The following KLHL1 variants were observed in gnomAD, a reference collection of about 807,000 sequenced individuals.
KLHL1 encodes kelch-like protein 1.
Under a neutral mutation model 77.7 loss-of-function variants are expected in KLHL1, and 47 were observed. That is an observed-to-expected ratio of 0.60 (90% CI 0.48 to 0.77). The LOEUF (loss-of-function observed/expected upper bound fraction) is 0.77, where lower values mean the gene tolerates loss of function less well. KLHL1 is among the 30% of genes least tolerant of loss of function. The pLI is 0.00. For missense variants in KLHL1, 925 were observed against 910.8 expected (o/e 1.02, Z -0.20); for synonymous variants, 360 against 325.2 (o/e 1.11, Z -1.15).
At chr13:69,727,319 G>A (rs1465505580) in intron 8 of KLHL1, among the ~76,000 whole-genome samples, 2 of 152,132 alleles carry the variant, frequency 1.3e-5, no homozygotes, top group African/African-American at 4.8e-5. Context: ...ACTTGGGTTT[G>A]TTTATCAATC....
intron 1 of KLHL1, among the ~76,000 whole-genome samples, chr13:70,032,187 A>G (rs1445366485): frequency 6.6e-5 from 10 of 152,318 alleles, no homozygotes; most frequent in South Asian, 2.1e-4. Context: ...AATAGATGCT[A>G]TGACTATGGA....
At chr13:69,842,229 A>G (rs1267990593) in intron 5 of KLHL1, among the ~76,000 whole-genome samples, 1 of 151,842 alleles carries the variant, frequency 6.6e-6, no homozygotes, top group Non-Finnish European at 1.5e-5. Context: ...TGCACAACAA[A>G]GGAAAAAAAT....
intron 1 of KLHL1, among the ~76,000 whole-genome samples, chr13:70,063,288 G>A (rs1886933839): frequency 6.6e-6 from 1 of 152,058 alleles, no homozygotes; most frequent in African/African-American, 2.4e-5. Flanking sequence ...ATTTCAGGGA[G>A]CCCCTCCACA....
rs115906857 is a variant in KLHL1, at chr13:69,761,776, A to G, written c.1640-21220T>C. Among the ~76,000 whole-genome samples the G allele has an allele frequency of 2.2e-3, 334 of 152,264 alleles. 1 individual carries two copies. Among genetic ancestry groups the G allele is most frequent in the African/African-American group, 7.7e-3 (319 of 41,552 alleles). On this transcript the variant is annotated intron_variant, in intron 7 of 10. Transcript: ENST00000377844. Reference sequence around the variant, plus strand: ...AAGTGTTGACTCATGGGGAGTCTCAATGGCTGCCTGGTTTTTCCTGAATCC... The same window carrying G: ...AAGTGTTGACTCATGGGGAGTCTCAGTGGCTGCCTGGTTTTTCCTGAATCC...
At chr13:70,059,224 C>G (rs1457077364) in intron 1 of KLHL1, among the ~76,000 whole-genome samples, 2 of 150,650 alleles carry the variant, frequency 1.3e-5, no homozygotes, top group African/African-American at 2.5e-5. Context: ...AGTGGCACAA[C>G]CTTGGCTTAC....
chr13:69,918,359 T>G (rs1882514449), intron 4 of KLHL1, among the ~76,000 whole-genome samples: 1 of 152,140 alleles, frequency 6.6e-6, no homozygotes. Flanking sequence ...AGAGTGATTT[T>G]TTTATTAAAT....
At chr13:70,039,214 G>A (rs1296455931) in intron 1 of KLHL1, among the ~76,000 whole-genome samples, 1 of 151,856 alleles carries the variant, frequency 6.6e-6, no homozygotes, top group Admixed American at 6.6e-5. Context: ...GACTACAGGT[G>A]CACACCAGCA....
At chr13:70,014,103 T>C (rs1885600966) in intron 1 of KLHL1, among the ~76,000 whole-genome samples, 1 of 152,030 alleles carries the variant, frequency 6.6e-6, no homozygotes, top group Non-Finnish European at 1.5e-5. Flanking sequence ...GAAATATTAA[T>C]ATACAATAAA....
chr13:69,773,300 G>C (rs1875665314), intron 7 of KLHL1, among the ~76,000 whole-genome samples: 1 of 151,830 alleles, frequency 6.6e-6, no homozygotes, highest in Non-Finnish European at 1.5e-5. Context: ...ATTTACTATT[G>C]GCTCTTATTT....
chr13:69,891,506 A>T (rs1041275854), intron 4 of KLHL1, among the ~76,000 whole-genome samples: 1 of 152,052 alleles, frequency 6.6e-6, no homozygotes, highest in Admixed American at 6.6e-5. Flanking sequence ...AGATAAGAGG[A>T]GTTAGAAATT....
chr13:69,847,491 TCTGG>T (rs1485226905), intron 5 of KLHL1, among the ~76,000 whole-genome samples: 5 of 151,250 alleles, frequency 3.3e-5, no homozygotes, highest in Non-Finnish European at 7.4e-5. Flanking sequence ...ATACCTTTCA[TCTGG>T]TCATGGAGTC....
In KLHL1 at chr13:69,961,452, A is replaced by T; in HGVS notation, c.681-8T>A. ...ACTGAACTCAGAACAAGCCTGAAAG[A>T]GTCACAGGTTCTAATTTAGGTCGTG... On this transcript the variant is annotated splice_region_variant and splice_polypyrimidine_tract_variant and intron_variant, in intron 2 of 10. Transcript: ENST00000377844. The T allele has an allele frequency of 6.2e-7, 1 of 1,612,438 alleles. No homozygotes were observed. Among genetic ancestry groups the T allele is most frequent in the Non-Finnish European group, 8.5e-7 (1 of 1,179,060 alleles).
At chr13:69,958,817 G>A (rs1237946286) in intron 3 of KLHL1, among the ~76,000 whole-genome samples, 1 of 151,056 alleles carries the variant, frequency 6.6e-6, no homozygotes, top group Non-Finnish European at 1.5e-5. Flanking sequence ...CCTGTTTTCT[G>A]GAATATATTT....
At chr13:70,106,615 C>G (rs1405007573) in intron 1 of KLHL1, among the ~76,000 whole-genome samples, 2 of 152,134 alleles carry the variant, frequency 1.3e-5, no homozygotes, top group Non-Finnish European at 2.9e-5. Context: ...CTGAACAAGG[C>G]AAGAGTGAAC....
intron 3 of KLHL1, among the ~76,000 whole-genome samples, chr13:69,949,709 T>G (rs1304513484): frequency 1.3e-5 from 2 of 151,944 alleles, no homozygotes; most frequent in Non-Finnish European, 2.9e-5. Context: ...CCATCATTTA[T>G]TGGTGTATTC....
intron 1 of KLHL1, among the ~76,000 whole-genome samples, chr13:70,061,912 A>G (rs1372811394): frequency 1.3e-5 from 2 of 152,212 alleles, no homozygotes; most frequent in African/African-American, 4.8e-5. Context: ...CAGCATGTAT[A>G]TCAACTCAAA....
intron 1 of KLHL1, among the ~76,000 whole-genome samples, chr13:70,069,696 T>C (rs938708946): frequency 2.0e-5 from 3 of 152,164 alleles, no homozygotes; most frequent in African/African-American, 4.8e-5. Flanking sequence ...TTTCCTTTAA[T>C]AGGCTCATCG....
At chr13:69,769,936 C>A (rs534254629) in intron 7 of KLHL1, among the ~76,000 whole-genome samples, 1 of 152,244 alleles carries the variant, frequency 6.6e-6, no homozygotes, top group African/African-American at 2.4e-5. Flanking sequence ...GTGACATGCT[C>A]CTGTTTGCCA....
intron 1 of KLHL1, among the ~76,000 whole-genome samples, chr13:70,078,444 C>G (rs1887314524): frequency 6.6e-6 from 1 of 151,932 alleles, no homozygotes; most frequent in Admixed American, 6.6e-5. Context: ...ATTTGTATAA[C>G]TTCCAAATTT....
Sources: allele counts gnomAD v4.1 joint callset (sites outside exome capture counted in the v4.1 genomes callset), GRCh38; gene constraint gnomAD v4.1.1; transcripts MANE v1.5; gene names NCBI Gene and HGNC (gene_info 2026-07-23, HGNC 2026-07-21).